Variants in MICAL1 observed in about 807,000 individuals in gnomAD.
The protein encoded by MICAL1 is microtubule associated monooxygenase, calponin and LIM domain containing 1.
In MICAL1, 95 loss-of-function variants were observed where a neutral mutation model predicts 131.8. That is an observed-to-expected ratio of 0.72 (90% CI 0.61 to 0.86). MICAL1 has a LOEUF of 0.86. Among genes scored for constraint, MICAL1 ranks in the 40% least tolerant of loss-of-function variants. MICAL1 has a pLI of 0.00. For synonymous variants in MICAL1, 546 were observed against 554.2 expected (o/e 0.99, Z 0.21); for missense variants, 1,292 against 1,380.6 (o/e 0.94, Z 1.02).
chr6:109,447,235 T>C lies in MICAL1; in HGVS notation c.2071-6A>G, dbSNP rs1775268113. On this transcript the variant is annotated splice_region_variant and splice_polypyrimidine_tract_variant and intron_variant, in intron 16 of 24. Transcript: ENST00000358807. The stretch of plus-strand genomic sequence containing the variant: ...CACAGGTCCCCAGCACCGGCCTGCG[T>C]GGACCCCCAGGACACAGGGTCAGGT... The C allele has an allele frequency of 6.2e-7, 1 of 1,613,860 alleles. No homozygotes were observed. The highest frequency in any genetic ancestry group is 1.7e-5 in the Admixed American group (1 of 60,004).
chr6:109,448,426 G>A lies in MICAL1; in HGVS notation c.1665-33C>T, dbSNP rs781362997. On this transcript the variant is annotated intron_variant, in intron 12 of 24. Transcript: ENST00000358807. ...ATGTCAGGGAGAAAAGCCAACTAGA[G>A]ACAAGAACCTAGCCCCACTGAGGGG... is the stretch of plus-strand genomic sequence containing the variant. 35 of 1,608,574 alleles carry A rather than the reference G, an allele frequency of 2.2e-5. No homozygotes were observed. In the South Asian group the frequency reaches 2.4e-4, roughly 11 times the overall value.
chr6:109,445,720 C>G (rs753258825), intron 20 of MICAL1, 51 bp downstream of exon 20: 1 of 1,579,990 alleles, frequency 6.3e-7, no homozygotes, highest in South Asian at 1.1e-5. Flanking sequence ...GTGCAGGTTT[C>G]TCCTGTAGTG....
Position 109,445,458 on chromosome 6 carries a change from G to T in MICAL1, c.2745C>A (p.Arg915=). The stretch of plus-strand genomic sequence containing the variant: ...TCTTCATCTCCTCCTCCTTCGCACG[G>T]CGCAGCAGAGTCCGACGCCATGTTG... ...NYPTWRRTLL[R]RAKEEEMKRF... is the part of the protein sequence containing the mutation. Residue 915 remains arginine (R), a synonymous_variant, in exon 21 of 25, where the codon CGC becomes CGA. Transcript: ENST00000358807. The T allele has an allele frequency of 1.2e-6, 2 of 1,614,098 alleles. No homozygotes were observed. The highest frequency in any genetic ancestry group is 1.7e-6 in the Non-Finnish European group (2 of 1,180,042).
chr6:109,452,662 G>A (rs757779401), intron 4 of MICAL1, 47 bp from the exon 5 acceptor site: 10 of 1,441,656 alleles, frequency 6.9e-6, no homozygotes, highest in Non-Finnish European at 9.6e-6. Flanking sequence ...AGTCGTAAGA[G>A]CCCCTATACT....
At chr6:109,458,217 G>A (rs1299264755), upstream of MICAL1, among the ~76,000 whole-genome samples, 2 of 152,018 alleles carry the variant, frequency 1.3e-5, no homozygotes, top group African/African-American at 4.8e-5. Flanking sequence ...TTATGTGTAT[G>A]TAGAACTAAA....
rs905213119 is a variant in MICAL1, at chr6:109,450,049, A to G, written c.1228T>C (p.Phe410Leu). ...CAGGCTGCATCAAAGGCTGCCAGGA[A>G]GCCCCGTGCCACTCCAGTGCCCAGG... The part of the protein sequence containing the change: ...WPLGTGVARG[F>L]LAAFDAAWMV... Residue 410 changes from phenylalanine (F) to leucine (L), a missense_variant, in exon 9 of 25, where the codon TTC becomes CTC. By Grantham distance (22) the Phe-to-Leu change is conservative. Coordinates refer to ENST00000358807, the MANE Select transcript of MICAL1 (RefSeq NM_022765.4). The G allele has an allele frequency of 6.2e-7, 1 of 1,614,090 alleles. No individual in the cohort carries two copies. The highest frequency in any genetic ancestry group is 1.3e-5 in the African/African-American group (1 of 75,016).
chr6:109,456,310 G>C (rs913994984), upstream of MICAL1, among the ~76,000 whole-genome samples: 47 of 152,342 alleles, frequency 3.1e-4, no homozygotes, highest in African/African-American at 1.1e-3. Context: ...GGTGGCGCCG[G>C]AACGTCTGCG....
upstream of MICAL1, chr6:109,456,044 C>A: frequency 1.0e-6 from 1 of 985,910 alleles, no homozygotes; most frequent in Non-Finnish European, 1.2e-6. Context: ...CACCCCGTTC[C>A]GCTCTGGGGC....
In MICAL1 at chr6:109,447,555, G is replaced by T; in HGVS notation, c.1987-115C>A. ...AAGGGGAGTGAGACTAGGCAGGGAG[G>T]CTGGATGGGGGGGTTACAGGACCTG... On this transcript the variant is annotated intron_variant, in intron 15 of 24. Transcript: ENST00000358807. The T allele has an allele frequency of 3.3e-6, 5 of 1,524,144 alleles. No individual in the cohort carries two copies. The South Asian group carries it at 4.5e-5, about 14-fold the overall frequency. 94.4% of individuals were successfully genotyped at this position (1,524,144 alleles called of 1,614,324 possible).
intron 11 of MICAL1, chr6:109,449,177 G>C: frequency 1.5e-6 from 1 of 684,534 alleles, no homozygotes; most frequent in South Asian, 1.7e-5. Context: ...CTGTAACGGT[G>C]GTTCAAACAC....
chr6:109,456,277 T>C (rs574191557), upstream of MICAL1, among the ~76,000 whole-genome samples: 1 of 152,096 alleles, frequency 6.6e-6, no homozygotes, highest in South Asian at 2.1e-4. Context: ...CTCAAGAGGT[T>C]TGGAAAAGCC....
In MICAL1 at chr6:109,462,286, ACTTT is replaced by A. The variant is rs538780762; in HGVS notation, c.14+3374_14+3377del. ...AACCCCACTGACACGTTGATCTTGG[ACTTT>A]CTATTTTTTCAGTCACCCAGTCTGT... On this transcript the variant is annotated intron_variant, in intron 1 of 24. Transcript: ENST00000630715. Among the ~76,000 whole-genome samples the A allele has an allele frequency of 3.5e-4, 53 of 152,310 alleles. No homozygotes were observed. The South Asian group carries it at 0.011, about 31-fold the overall frequency.
Position 109,445,188 on chromosome 6 carries a change from G to C in MICAL1, c.2881+9C>G, listed in dbSNP as rs551459274. On this transcript the variant is annotated intron_variant, in intron 22 of 24. Coordinates refer to ENST00000358807, the MANE Select transcript of MICAL1 (RefSeq NM_022765.4). ...AGAAGGCAGAGGGGTGTCCTAGCTTGTCACTCACTGCTCTGGCGCCTCAAG... is the reference window on the plus strand; with the variant it reads ...AGAAGGCAGAGGGGTGTCCTAGCTTCTCACTCACTGCTCTGGCGCCTCAAG... 6.2e-7 allele frequency: 1 copy of C among 1,612,726 alleles called. No homozygotes were observed. The highest frequency in any genetic ancestry group is 8.5e-7 in the Non-Finnish European group (1 of 1,179,938).
Position 109,455,643 on chromosome 6 carries a change from G to C in MICAL1, c.-44+76C>G. The stretch of plus-strand genomic sequence containing the variant: ...GCGTGGTTCCCGAGCGACCGCAGCT[G>C]CGTTTCCCCGGAAGCGCACCCCACC... On this transcript the variant is annotated intron_variant, in intron 1 of 24. Transcript: ENST00000358807. This position sits in a 1 kb window ranked among gnomAD's most constrained non-coding sequence, Gnocchi z 4.7. 2.7e-5 allele frequency: 25 copies of C among 933,232 alleles called. No homozygotes were observed. Among genetic ancestry groups the C allele is most frequent in the South Asian group, 4.9e-5 (1 of 20,280 alleles). 57.8% of individuals were successfully genotyped at this position (933,232 alleles called of 1,614,324 possible).
In MICAL1 at chr6:109,447,376, GGTGTCAGGGGTACACCAGGCTCT is replaced by G. The variant is rs746637874; in HGVS notation, c.2028_2050del (p.Glu677ProfsTer44). On this transcript the variant is annotated frameshift_variant, in exon 16 of 25. Transcript: ENST00000358807. LOFTEE classifies it high-confidence loss of function. ...TCTCACCTCCTGGTGTTGGGATGGG[GGTGTCAGGGGTACACCAGGCTCT>G]GGGTCAGGTGGCACCTCAGTACTTG... 142 of 1,613,822 alleles carry G rather than the reference GGTGTCAGGGGTACACCAGGCTCT, an allele frequency of 8.8e-5. No individual in the cohort carries two copies. In the Middle Eastern group the frequency reaches 1.8e-3, roughly 21 times the overall value.
intron 11 of MICAL1, 189 bp from the exon 12 acceptor site, chr6:109,449,068 G>A (rs1775386905): frequency 2.5e-6 from 2 of 795,556 alleles, no homozygotes; most frequent in African/African-American, 1.7e-5. Context: ...AAATCTCTTT[G>A]GAATAAAGTA....
rs146129927 is a variant in MICAL1 at position 109,444,295 on chromosome 6, G to A, written c.3100C>T (p.Leu1034=). The A allele has an allele frequency of 6.8e-4, 1,090 of 1,613,494 alleles. No homozygotes were observed. Among genetic ancestry groups the A allele is most frequent in the Non-Finnish European group, 8.9e-4 (1,047 of 1,180,030 alleles). ...AADRQAEDQV[L]RKLVDLVNQR... ...TTGACCAAATCCACCAGCTTCCTCA[G>A]GACCTGGTCCTCAGCCTGCCGATCA... The change falls in exon 25 of 25, where the codon CTG becomes TTG. Residue 1034 remains leucine (L), a synonymous_variant. Coordinates refer to ENST00000358807, the MANE Select transcript of MICAL1 (RefSeq NM_022765.4).
upstream of MICAL1, among the ~76,000 whole-genome samples, chr6:109,460,176 T>A (rs1775850139): frequency 6.6e-6 from 1 of 152,110 alleles, no homozygotes; most frequent in Non-Finnish European, 1.5e-5. Context: ...GAATGTGGGC[T>A]GAGTACAGTG....
chr6:109,445,956 G>C, intron 19 of MICAL1, 94 bp from the exon 20 acceptor site: 2 of 1,528,024 alleles, frequency 1.3e-6, no homozygotes, highest in South Asian at 1.3e-5. Context: ...TGCAAGTCTG[G>C]TAAAGACTGA....
Sources: allele counts gnomAD v4.1 joint callset (sites outside exome capture counted in the v4.1 genomes callset), GRCh38; gene constraint gnomAD v4.1.1; non-coding constraint Gnocchi (gnomAD v3.1); transcripts MANE v1.5; gene names NCBI Gene and HGNC (gene_info 2026-07-23, HGNC 2026-07-21).